IGFL2: variants seen among roughly 807,000 people sequenced by gnomAD.
IGFL2 encodes the protein insulin growth factor-like family member 2.
Under a neutral mutation model 13.9 loss-of-function variants are expected in IGFL2, and 7 were observed. That is an observed-to-expected ratio of 0.51 (90% CI 0.29 to 0.95). IGFL2 has a LOEUF of 0.95. Among genes scored for constraint, IGFL2 ranks in the 40% least tolerant of loss-of-function variants. The pLI, the probability that IGFL2 is intolerant of heterozygous loss-of-function variation, is 0.08. For synonymous variants in IGFL2, 55 were observed against 55.8 expected (o/e 0.99, Z 0.07); for missense variants, 138 against 147.8 (o/e 0.93, Z 0.34).
the IGFL2 span, among the ~76,000 whole-genome samples, chr19:46,170,163 G>A: frequency 1.6e-3 from 248 of 152,152 alleles, 1 homozygote; most frequent in African/African-American, 5.2e-3. Context: ...TGGGTGCACC[G>A]AGAGAGAGTA....
chr19:46,103,570 T>C, the IGFL2 span, among the ~76,000 whole-genome samples: 5 of 151,750 alleles, frequency 3.3e-5, no homozygotes, highest in African/African-American at 9.7e-5. Context: ...CTAGGAGATA[T>C]CCGCTGTGAT....
chr19:46,087,152 G>A, the IGFL2 span, among the ~76,000 whole-genome samples: 13 of 152,264 alleles, frequency 8.5e-5, no homozygotes, highest in South Asian at 2.7e-3. Context: ...TATTTGGATG[G>A]GTGGACAGGT....
At chr19:46,138,473 C>T (rs1399951108), upstream of IGFL2, among the ~76,000 whole-genome samples, 1 of 152,182 alleles carries the variant, frequency 6.6e-6, no homozygotes, top group African/African-American at 2.4e-5. Flanking sequence ...TCATCTGGGT[C>T]ACAGCAGTGG....
the IGFL2 span, chr19:46,124,165 A>C: frequency 6.2e-7 from 1 of 1,610,178 alleles, no homozygotes; most frequent in South Asian, 1.1e-5. Flanking sequence ...GTCTGGGGGC[A>C]GACATTGATG....
At chr19:46,178,146 G>A in the IGFL2 span, among the ~76,000 whole-genome samples, 5 of 152,026 alleles carry the variant, frequency 3.3e-5, no homozygotes, top group Admixed American at 6.6e-5. Context: ...GCATGGTGGC[G>A]CATGCCTGTA....
chr19:46,079,182 C>T, the IGFL2 span, among the ~76,000 whole-genome samples: 1 of 152,290 alleles, frequency 6.6e-6, no homozygotes, highest in African/African-American at 2.4e-5. Flanking sequence ...GCCATGTTTT[C>T]GTCGCAGTAA....
chr19:46,156,300 T>C (rs1218976459), intron 1 of IGFL2, among the ~76,000 whole-genome samples: 2 of 152,250 alleles, frequency 1.3e-5, no homozygotes, highest in Non-Finnish European at 2.9e-5. Context: ...TTAGTATCTT[T>C]CAGCAGAGTT....
the IGFL2 span, chr19:46,112,139 C>T: frequency 2.6e-5 from 4 of 152,152 alleles, no homozygotes; most frequent in Non-Finnish European, 5.9e-5. Flanking sequence ...CAGAAGCTCC[C>T]AGCTAACTTT....
the IGFL2 span, among the ~76,000 whole-genome samples, chr19:46,176,157 A>C: frequency 6.7e-6 from 1 of 149,694 alleles, no homozygotes; most frequent in South Asian, 2.1e-4. Flanking sequence ...CCAGCCCAGC[A>C]CTATTTTTAA....
the IGFL2 span, among the ~76,000 whole-genome samples, chr19:46,197,929 T>A: frequency 1.3e-5 from 2 of 151,574 alleles, no homozygotes; most frequent in African/African-American, 4.9e-5. Context: ...TGAGCTTAAG[T>A]GACCTGCCTG....
At chr19:46,181,804 A>G in the IGFL2 span, among the ~76,000 whole-genome samples, 3 of 152,220 alleles carry the variant, frequency 2.0e-5, no homozygotes, top group Non-Finnish European at 4.4e-5. Context: ...AGTCTTTGCA[A>G]CAATACTGGT....
chr19:46,142,584 CTA>C (rs1972906966), upstream of IGFL2, among the ~76,000 whole-genome samples: 1 of 152,144 alleles, frequency 6.6e-6, no homozygotes, highest in South Asian at 2.1e-4. Flanking sequence ...TGTTATCTAT[CTA>C]TGTTTAAATT....
chr19:46,150,735 A>G (rs1008272977), intron 1 of IGFL2, among the ~76,000 whole-genome samples: 11 of 152,102 alleles, frequency 7.2e-5, no homozygotes, highest in African/African-American at 2.7e-4. Flanking sequence ...CAGTGGTGTG[A>G]TCACAGCTCA....
At chr19:46,188,287 G>A in the IGFL2 span, among the ~76,000 whole-genome samples, 4 of 152,222 alleles carry the variant, frequency 2.6e-5, no homozygotes, top group South Asian at 2.1e-4. Flanking sequence ...GGGGCCCAGT[G>A]TGTGTACTGT....
the IGFL2 span, among the ~76,000 whole-genome samples, chr19:46,083,305 A>T: frequency 4.6e-5 from 7 of 152,232 alleles, no homozygotes; most frequent in African/African-American, 1.7e-4. Context: ...CAGAAGACTA[A>T]TGAAATAAAT....
chr19:46,131,402 A>G, the IGFL2 span, among the ~76,000 whole-genome samples: 6 of 152,238 alleles, frequency 3.9e-5, no homozygotes, highest in Non-Finnish European at 5.9e-5. Context: ...AGAGCTCCCA[A>G]GTAATTTTCT....
upstream of IGFL2, among the ~76,000 whole-genome samples, chr19:46,142,739 A>G (rs1033171683): frequency 3.3e-5 from 5 of 152,222 alleles, no homozygotes; most frequent in African/African-American, 1.2e-4. Context: ...GTATGTACAG[A>G]CAAGCCCAGA....
the IGFL2 span, among the ~76,000 whole-genome samples, chr19:46,106,525 G>A: frequency 6.6e-6 from 1 of 151,948 alleles, no homozygotes; most frequent in African/African-American, 2.4e-5. Flanking sequence ...GAATAGTAAA[G>A]AAAGCATGTT....
At chr19:46,125,607 G>A in the IGFL2 span, among the ~76,000 whole-genome samples, 1 of 152,224 alleles carries the variant, frequency 6.6e-6, no homozygotes, top group African/African-American at 2.4e-5. Context: ...ACAGCATAGG[G>A]AAGAGTTGCT....
Sources: allele counts gnomAD v4.1 joint callset (sites outside exome capture counted in the v4.1 genomes callset), GRCh38; gene constraint gnomAD v4.1.1; transcripts MANE v1.5; gene names NCBI Gene and HGNC (gene_info 2026-07-23, HGNC 2026-07-21).